GSPT1: variants seen among roughly 807,000 people sequenced by gnomAD.
The protein encoded by GSPT1 is eukaryotic peptide chain release factor GTP-binding subunit ERF3A.
In GSPT1, 20 loss-of-function variants were observed where a neutral mutation model predicts 72.5. That is an observed-to-expected ratio of 0.28 (90% CI 0.19 to 0.40). GSPT1 has a LOEUF of 0.40. Among genes scored for constraint, GSPT1 ranks in the 10% least tolerant of loss-of-function variants. GSPT1 has a pLI of 1.00. For missense variants in GSPT1, 580 were observed against 811.9 expected (o/e 0.71, Z 3.47); for synonymous variants, 334 against 293.5 (o/e 1.14, Z -1.41).
chr16:11,872,587 T>A lies in GSPT1; in HGVS notation c.*532A>T, dbSNP rs2053991151. 6.6e-6 allele frequency: 1 copy of A among 151,558 alleles called. No individual in the cohort carries two copies. The highest frequency in any genetic ancestry group is 6.6e-5 in the Admixed American group (1 of 15,218). 9.4% of individuals were successfully genotyped at this position (151,558 alleles called of 1,614,324 possible). On this transcript the variant is annotated 3_prime_UTR_variant, in exon 15 of 15. Transcript: ENST00000434724. ...ATAAAAGTCCAAGTAATAAAATGTA[T>A]TCAATTACTTGGGAAAGTTAAAAAG...
rs752208986 is a variant in GSPT1, at chr16:11,915,772, G to C, written c.-52C>G. 2.5e-6 allele frequency: 4 copies of C among 1,571,520 alleles called. No homozygotes were observed. Among genetic ancestry groups the C allele is most frequent in the Non-Finnish European group, 3.4e-6 (4 of 1,165,452 alleles). On this transcript the variant is annotated 5_prime_UTR_variant, in exon 1 of 15. Transcript: ENST00000434724. ...ACAGAGAGCGGGAAATGGAGGCAGG[G>C]GCGCCCGGCCGGAGAGGAGTGGGCA... is the stretch of plus-strand genomic sequence containing the variant.
At position 11,915,713 on chromosome 16, in the gene GSPT1, G is replaced by T; in HGVS notation, c.8C>A (p.Pro3Gln). 6.7e-7 allele frequency: 1 copy of T among 1,501,758 alleles called. No homozygotes were observed. The highest frequency in any genetic ancestry group is 1.2e-5 in the South Asian group (1 of 82,706). 93.0% of individuals were successfully genotyped at this position (1,501,758 alleles called of 1,614,324 possible). A position where few individuals can be genotyped will look rare whatever the true frequency, so the allele number is the denominator to read the frequency against. ...GCCGCCGCCGCCGCCGCCACTGCCC[G>T]GATCCATGATCGGGGGGGCCGTGTG... MD[P>Q]GSGGGGGGGG... is the part of the protein sequence containing the mutation. The change falls in exon 1 of 15, where the codon CCG becomes CAG. Residue 3 changes from proline (P) to glutamine (Q), a missense_variant. Physicochemically the swap from Pro to Gln is moderately conservative, Grantham distance 76. This residue lies in a region of GSPT1 where 327 missense variants were observed against 298.8 expected (regional missense o/e 1.09). Coordinates refer to ENST00000434724, the MANE Select transcript of GSPT1 (RefSeq NM_002094.4).
At chr16:11,876,468 G>A (rs1424610553) in intron 12 of GSPT1, among the ~76,000 whole-genome samples, 1 of 152,152 alleles carries the variant, frequency 6.6e-6, no homozygotes, top group Non-Finnish European at 1.5e-5. Flanking sequence ...AGTGGTTCAC[G>A]CCTGTAATCT....
intron 10 of GSPT1, among the ~76,000 whole-genome samples, chr16:11,884,344 A>C (rs2054160417): frequency 1.3e-5 from 2 of 152,264 alleles, no homozygotes; most frequent in African/African-American, 2.4e-5. Flanking sequence ...TTTATCACTA[A>C]GATATGATCC....
In GSPT1 at chr16:11,868,844, G is replaced by A. The variant is rs2053947783; in HGVS notation, c.*4275C>T. 6.6e-6 allele frequency: 1 copy of A among 152,192 alleles called. No homozygotes were observed. Among genetic ancestry groups the A allele is most frequent in the South Asian group, 2.1e-4 (1 of 4,832 alleles). 9.4% of individuals were successfully genotyped at this position (152,192 alleles called of 1,614,324 possible). A position where few individuals can be genotyped will look rare whatever the true frequency, so the allele number is the denominator to read the frequency against. The stretch of plus-strand genomic sequence containing the variant: ...ATAACCATTTCAAGGATCACTTAAG[G>A]AATCCTGGTGTTTTCTGCCTAATCA... On this transcript the variant is annotated 3_prime_UTR_variant, in exon 15 of 15. Transcript: ENST00000434724.
chr16:11,891,058 A>T lies in GSPT1; in HGVS notation c.776+4T>A. ...TTTATAAGTGTCATAAAAGTTTACTATACCAAGTTTCTCTGTTTTTCTCTT... is the reference window on the plus strand; with the variant it reads ...TTTATAAGTGTCATAAAAGTTTACTTTACCAAGTTTCTCTGTTTTTCTCTT... On this transcript the variant is annotated splice_donor_region_variant and intron_variant, in intron 6 of 14. Transcript: ENST00000434724. The T allele has an allele frequency of 7.3e-7, 1 of 1,360,796 alleles. No homozygotes were observed. The highest frequency in any genetic ancestry group is 2.5e-5 in the East Asian group (1 of 39,544). 84.3% of individuals were successfully genotyped at this position (1,360,796 alleles called of 1,614,324 possible).
chr16:11,878,479 G>C (rs531025674), intron 11 of GSPT1, among the ~76,000 whole-genome samples: 1 of 151,606 alleles, frequency 6.6e-6, no homozygotes, highest in African/African-American at 2.4e-5. Context: ...CTTTAGCCCC[G>C]CTACTTGGAA....
chr16:11,907,304 G>C (rs1443104994), intron 1 of GSPT1, among the ~76,000 whole-genome samples: 1 of 152,160 alleles, frequency 6.6e-6, no homozygotes, highest in African/African-American at 2.4e-5. Context: ...AATAAACTTT[G>C]AAATGACCTC....
intron 7 of GSPT1, 81 bp from the exon 8 acceptor site, chr16:11,887,012 A>G (rs2054192842): frequency 1.9e-5 from 19 of 987,696 alleles, no homozygotes; most frequent in Non-Finnish European, 2.8e-5. Flanking sequence ...CCTTTCAGTT[A>G]TATCACGAGT....
At chr16:11,904,030 A>G (rs1463507589) in intron 1 of GSPT1, 11 of 223,038 alleles carry the variant, frequency 4.9e-5, no homozygotes, top group Admixed American at 4.1e-4. Flanking sequence ...CCAAACTCAT[A>G]CAAAGCTGCA....
Position 11,896,494 on chromosome 16 carries a change from A to G in GSPT1, c.664+64T>C, listed in dbSNP as rs1289189859. 26 of 851,864 alleles carry G rather than the reference A, an allele frequency of 3.1e-5. No individual in the cohort carries two copies. The East Asian group carries it at 6.4e-4, about 21-fold the overall frequency. 52.8% of individuals were successfully genotyped at this position (851,864 alleles called of 1,614,324 possible). A position where few individuals can be genotyped will look rare whatever the true frequency, so the allele number is the denominator to read the frequency against. ...TCAGTTTCACTAAACATCTCCAGGT[A>G]GCTAAAAAGGATGTTCTATGTTTTA... On this transcript the variant is annotated intron_variant, in intron 4 of 14. Coordinates refer to ENST00000434724, the MANE Select transcript of GSPT1 (RefSeq NM_002094.4).
chr16:11,911,226 C>A (rs1232947093), intron 1 of GSPT1, among the ~76,000 whole-genome samples: 1 of 152,176 alleles, frequency 6.6e-6, no homozygotes, highest in Non-Finnish European at 1.5e-5. Context: ...CTGGATTAAA[C>A]AACCATTACT....
At chr16:11,899,658 C>CT (rs1445981066) in intron 1 of GSPT1, among the ~76,000 whole-genome samples, 1 of 151,990 alleles carries the variant, frequency 6.6e-6, no homozygotes, top group African/African-American at 2.4e-5. Context: ...TACAGATTAA[C>CT]TTTTTTTTGC....
chr16:11,870,120 A>G lies in GSPT1; in HGVS notation c.*2999T>C, dbSNP rs570220179. ...ATATTTCAAAGATTTTCAACTCACA[A>G]AAAAAAAATACATGGGCTTAATTAC... On this transcript the variant is annotated 3_prime_UTR_variant, in exon 15 of 15. Transcript: ENST00000434724. The G allele has an allele frequency of 6.6e-6, 1 of 150,426 alleles. No homozygotes were observed. Among genetic ancestry groups the G allele is most frequent in the African/African-American group, 2.5e-5 (1 of 40,396 alleles). The allele number at this position is 150,426 out of a possible 1,614,324, so 9.3% of individuals were successfully genotyped here.
In GSPT1 at chr16:11,896,834, A is replaced by G. The variant is rs1185140639; in HGVS notation, c.437-49T>C. The G allele has an allele frequency of 3.5e-6, 4 of 1,129,916 alleles. No homozygotes were observed. In the South Asian group the frequency reaches 4.1e-5, roughly 12 times the overall value. 70.0% of individuals were successfully genotyped at this position (1,129,916 alleles called of 1,614,324 possible). On this transcript the variant is annotated intron_variant, in intron 3 of 14. Coordinates refer to ENST00000434724, the MANE Select transcript of GSPT1 (RefSeq NM_002094.4). ...GTATTCTGAAAAAGACTTACAATCT[A>G]TACTTTAAAATACACTAGCTTTAAA...
intron 1 of GSPT1, among the ~76,000 whole-genome samples, chr16:11,898,734 G>A (rs981527223): frequency 6.6e-6 from 1 of 151,898 alleles, no homozygotes; most frequent in Non-Finnish European, 1.5e-5. Flanking sequence ...ACAGGCTTGA[G>A]CCACCGCATC....
intron 1 of GSPT1, among the ~76,000 whole-genome samples, chr16:11,907,023 C>T (rs965266384): frequency 3.9e-5 from 6 of 152,166 alleles, no homozygotes; most frequent in Non-Finnish European, 8.8e-5. Context: ...AATTACCTAA[C>T]ACTCTAAAAA....
In GSPT1 at chr16:11,870,251, AAAC is replaced by A. The variant is rs1431349465; in HGVS notation, c.*2865_*2867del. On this transcript the variant is annotated 3_prime_UTR_variant, in exon 15 of 15. Coordinates refer to ENST00000434724, the MANE Select transcript of GSPT1 (RefSeq NM_002094.4). ...ATTTTCACTTACTTCTGCAAATTAA[AAAC>A]AAGAAATGAGTGCTGTATTTCCCCC... is the stretch of plus-strand genomic sequence containing the variant. The A allele has an allele frequency of 6.6e-6, 1 of 152,244 alleles. No individual in the cohort carries two copies. Among genetic ancestry groups the A allele is most frequent in the Non-Finnish European group, 1.5e-5 (1 of 68,048 alleles). The allele number at this position is 152,244 out of a possible 1,614,324, so 9.4% of individuals were successfully genotyped here. A position where few individuals can be genotyped will look rare whatever the true frequency, so the allele number is the denominator to read the frequency against.
intron 11 of GSPT1, among the ~76,000 whole-genome samples, chr16:11,879,319 T>G (rs369430327): frequency 0.012 from 1,815 of 150,102 alleles, 36 homozygotes; most frequent in African/African-American, 0.042. Context: ...GCTTGAACCC[T>G]GGAGGTGGAG....
Sources: gnomAD v4.1 joint callset for allele counts (sites outside exome capture counted in the v4.1 genomes callset) on GRCh38, gnomAD v4.1.1 for gene constraint, gnomAD v4.1.1 regional missense constraint, MANE v1.5 for transcripts, NCBI Gene and HGNC (gene_info 2026-07-23, HGNC 2026-07-21) for gene names.